The following SYNE2 variants were observed in gnomAD, a reference collection of about 807,000 sequenced individuals.
SYNE2 encodes nesprin-2.
SYNE2 carries 431 observed loss-of-function variants against 856.3 expected under a neutral mutation model. That is an observed-to-expected ratio of 0.50 (90% CI 0.47 to 0.55). SYNE2 has a LOEUF of 0.55. Ranked by LOEUF, SYNE2 falls within the 20% of genes least tolerant of loss-of-function variation. The pLI is 0.00. For synonymous variants in SYNE2, 2,923 were observed against 2,872.3 expected, an observed-to-expected ratio of 1.02 and a Z score of -0.56; for missense variants, 8,129 against 8,023.2, an observed-to-expected ratio of 1.01 and a Z score of -0.50.
intron 1 of SYNE2, among the ~76,000 whole-genome samples, chr14:63,875,852 T>G (rs985525452): frequency 1.3e-5 from 2 of 152,160 alleles, no homozygotes; most frequent in African/African-American, 2.4e-5. Context: ...ACTGCCCAGG[T>G]GGAAGAGCCT....
At chr14:63,956,309 A>G (rs947157487) in intron 8 of SYNE2, 8 of 429,396 alleles carry the variant, frequency 1.9e-5, no homozygotes, top group Non-Finnish European at 3.7e-5. Flanking sequence ...CATATAGTTA[A>G]TAGTAAAATG....
intron 63 of SYNE2, chr14:64,099,166 A>G: frequency 3.2e-6 from 1 of 313,478 alleles, no homozygotes; most frequent in South Asian, 3.2e-5. Flanking sequence ...ATTTTTCCGC[A>G]TTTCAATTAC....
intron 2 of SYNE2, among the ~76,000 whole-genome samples, chr14:63,934,382 G>A (rs555303790): frequency 6.6e-6 from 1 of 152,094 alleles, no homozygotes; most frequent in South Asian, 2.1e-4. Context: ...TTATGTCTCT[G>A]TCAGGGGATG....
At chr14:64,162,453 T>C in intron 88 of SYNE2, 177 bp downstream of exon 88, 1 of 705,442 alleles carries the variant, frequency 1.4e-6, no homozygotes, top group South Asian at 1.5e-5. Flanking sequence ...GGCTCAGAGG[T>C]GACGTCTAGG....
chr14:63,934,403 T>A (rs1050088096), intron 2 of SYNE2, among the ~76,000 whole-genome samples: 1 of 152,108 alleles, frequency 6.6e-6, no homozygotes, highest in Non-Finnish European at 1.5e-5. Flanking sequence ...TTCCTCAGTT[T>A]ACTCTCCGAT....
intron 94 of SYNE2, chr14:64,174,034 AAAAAAT>A (rs1202084685): frequency 9.7e-6 from 6 of 621,750 alleles, no homozygotes; most frequent in African/African-American, 9.3e-5. Flanking sequence ...AAAATATAGA[AAAAAAT>A]AAAAATAAAC....
Position 64,081,472 on chromosome 14 carries a change from C to G in SYNE2, c.11376C>G (p.Asp3792Glu). 6.2e-7 allele frequency: 1 copy of G among 1,614,148 alleles called. No individual in the cohort carries two copies. Among genetic ancestry groups the G allele is most frequent in the Admixed American group, 1.7e-5 (1 of 60,014 alleles). The change falls in exon 57 of 116, where the codon GAC (aspartate) becomes GAG (glutamate). Residue 3792 changes from aspartate (D) to glutamate (E), a missense_variant. This residue lies in a region of SYNE2 where 5,410 missense variants were observed against 5,284.8 expected (regional missense o/e 1.02). Transcript: ENST00000555002. ...KATVKMEEYS[D>E]LLKSTEAWIE... The stretch of plus-strand genomic sequence containing the variant: ...CAGTTAAGATGGAGGAATATAGTGA[C>G]CTTCTGAAGAGCACTGAGGCTTGGA...
Position 63,983,777 on chromosome 14 carries a change from C to T in SYNE2, c.2042C>T (p.Pro681Leu). The T allele has an allele frequency of 6.2e-7, 1 of 1,612,782 alleles. No individual in the cohort carries two copies. Among genetic ancestry groups the T allele is most frequent in the Non-Finnish European group, 8.5e-7 (1 of 1,179,242 alleles). The change falls in exon 18 of 116, where the codon CCC (proline) becomes CTC (leucine). Residue 681 changes from proline to leucine, a missense_variant. Around this residue, in one of 3 missense-constraint regions of SYNE2, gnomAD observed 2,422 missense variants for 2,357.4 expected, o/e 1.03. Transcript: ENST00000555002. ...CTGATGATAAAAAAACAGGATCAGC[C>T]CACTTTTGACAATTCTGGAAATATT... ...LPLMIKKQDQ[P>L]TFDNSGNILS...
At chr14:64,033,609 C>T (rs2153549548) in intron 45 of SYNE2, among the ~76,000 whole-genome samples, 1 of 152,010 alleles carries the variant, frequency 6.6e-6, no homozygotes. Context: ...TTGCTTGAGC[C>T]CAGGAGGTCG....
chr14:64,190,759 A>G (rs981367018), intron 99 of SYNE2: 38 of 655,852 alleles, frequency 5.8e-5, no homozygotes, highest in Non-Finnish European at 9.7e-5. Context: ...TAGGATGTGG[A>G]TTTGGGCGCA....
chr14:64,063,867 T>C (rs2097336639), intron 50 of SYNE2, among the ~76,000 whole-genome samples: 1 of 152,306 alleles, frequency 6.6e-6, no homozygotes, highest in South Asian at 2.1e-4. Context: ...AGACACCCAG[T>C]GGATGCTTGA....
intron 79 of SYNE2, among the ~76,000 whole-genome samples, chr14:64,138,937 T>TGTGTGC (rs1289744135): frequency 7.0e-6 from 1 of 143,522 alleles, no homozygotes; most frequent in Non-Finnish European, 1.5e-5. Flanking sequence ...TGTGTGTGTG[T>TGTGTGC]GTATGTATGG....
chr14:64,211,127 G>A (rs1253967779), intron 103 of SYNE2, among the ~76,000 whole-genome samples: 6 of 152,104 alleles, frequency 3.9e-5, no homozygotes, highest in Admixed American at 6.5e-5. Flanking sequence ...GATTACCGGC[G>A]TGCATCACTG....
At chr14:63,873,961 G>A (rs1294092039) in intron 1 of SYNE2, 1 of 152,264 alleles carries the variant, frequency 6.6e-6, no homozygotes, top group Non-Finnish European at 1.5e-5. Flanking sequence ...GTACATAGGA[G>A]GCTACTTGTT....
chr14:63,770,172 T>C (rs933450806), intron 1 of SYNE2, among the ~76,000 whole-genome samples: 3 of 152,138 alleles, frequency 2.0e-5, no homozygotes, highest in Non-Finnish European at 2.9e-5. Flanking sequence ...TCTCATGATG[T>C]CTTATTGTAC....
intron 1 of SYNE2, among the ~76,000 whole-genome samples, chr14:63,789,321 G>A (rs751148151): frequency 6.6e-6 from 1 of 152,102 alleles, no homozygotes; most frequent in Non-Finnish European, 1.5e-5. Context: ...CCTGTTTCCT[G>A]TGTCCTATGT....
At chr14:63,848,142 C>G (rs1290033655), upstream of SYNE2, 2 of 152,266 alleles carry the variant, frequency 1.3e-5, no homozygotes, top group African/African-American at 4.8e-5. Flanking sequence ...CTGTCTAAAC[C>G]TCCCAAATTG....
chr14:64,049,459 T>TAATAATAATAATAATAATAATAATAA (rs61184929), intron 46 of SYNE2, 152 bp from the exon 47 acceptor site: 1 of 368,424 alleles, frequency 2.7e-6, no homozygotes, highest in African/African-American at 2.2e-5. Flanking sequence ...ATAATAATAA[T>TAATAATAATAATAATAATAATAATAA]TTTTAAAGGT....
intron 1 of SYNE2, among the ~76,000 whole-genome samples, chr14:63,879,223 G>A (rs530364822): frequency 5.3e-5 from 8 of 152,320 alleles, no homozygotes; most frequent in Admixed American, 1.3e-4. Context: ...GTCTCCTTTT[G>A]TGCAAGTTTT....
Sources: allele counts gnomAD v4.1 joint callset (sites outside exome capture counted in the v4.1 genomes callset), GRCh38; gene constraint gnomAD v4.1.1; regional missense constraint gnomAD v4.1.1; transcripts MANE v1.5; gene names NCBI Gene and HGNC (gene_info 2026-07-23, HGNC 2026-07-21).